Variants in DLG2 observed in about 807,000 individuals in gnomAD.
DLG2 encodes disks large homolog 2.
DLG2 carries 45 observed loss-of-function variants against 132.5 expected under a neutral mutation model. The observed-to-expected ratio is 0.34, with a 90% CI of 0.27 to 0.44. The LOEUF is 0.44. Among genes scored for constraint, DLG2 ranks in the 20% least tolerant of loss-of-function variants. The pLI, the probability that DLG2 is intolerant of heterozygous loss-of-function variation, is 1.00. For synonymous variants in DLG2, 424 were observed against 419.6 expected (o/e 1.01, Z -0.13); for missense variants, 1,045 against 1,196.9 (o/e 0.87, Z 1.87).
intron 6 of DLG2, among the ~76,000 whole-genome samples, chr11:84,938,851 A>T (rs2049052137): frequency 6.6e-6 from 1 of 152,204 alleles, no homozygotes; most frequent in Admixed American, 6.5e-5. Flanking sequence ...TGGGAAATTT[A>T]TCTAAAATAT....
At chr11:85,360,454 T>C (rs1241323545) in intron 3 of DLG2, among the ~76,000 whole-genome samples, 1 of 152,162 alleles carries the variant, frequency 6.6e-6, no homozygotes, top group East Asian at 1.9e-4. Flanking sequence ...CATGGTAAGT[T>C]TTGTTATTAG....
intron 5 of DLG2, among the ~76,000 whole-genome samples, chr11:85,122,972 T>TATA (rs58442462): frequency 1.5e-5 from 1 of 67,272 alleles, no homozygotes; most frequent in African/African-American, 6.5e-5. Context: ...TATATATATT[T>TATA]TTTTTTTTTT....
At position 85,154,600 on chromosome 11, in the gene DLG2, T is replaced by C. The variant is rs2077476698; in HGVS notation, c.238A>G (p.Lys80Glu). Residue 80 changes from lysine (K) to glutamate (E), a missense_variant, in exon 5 of 28, where the codon AAA becomes GAA. Physicochemically the swap from Lys to Glu is moderately conservative, Grantham distance 56. Around this residue, in one of 4 missense-constraint regions of DLG2, gnomAD observed 277 missense variants for 238.2 expected, o/e 1.16. Transcript: ENST00000376104. ...KENASCIEQN[K>E]ENQSFENETD... ...TCATTTTCAAAACTCTGATTTTCTT[T>C]ATTTTGCTCAATACATGAAGCATTT... 3.2e-6 allele frequency: 5 copies of C among 1,540,700 alleles called. No individual in the cohort carries two copies. The highest frequency in any genetic ancestry group is 4.4e-6 in the Non-Finnish European group (5 of 1,137,848).
chr11:84,609,727 T>C (rs1047428887), intron 6 of DLG2, among the ~76,000 whole-genome samples: 4 of 152,282 alleles, frequency 2.6e-5, no homozygotes, highest in South Asian at 2.1e-4. Flanking sequence ...TTTTTTATGA[T>C]TGGATATACT....
intron 26 of DLG2, among the ~76,000 whole-genome samples, chr11:83,465,537 G>A (rs554724021): frequency 6.6e-6 from 1 of 152,286 alleles, no homozygotes; most frequent in East Asian, 1.9e-4. Flanking sequence ...AGGCCCTCAT[G>A]ACAGACACAT....
At chr11:83,520,695 GTAGATAGA>G (rs72459775) in intron 21 of DLG2, among the ~76,000 whole-genome samples, 5,646 of 149,064 alleles carry the variant, frequency 0.038, 180 homozygotes, top group South Asian at 0.11. Flanking sequence ...AAGTAGGTAG[GTAGATAGA>G]TAGATAGATA....
At chr11:84,986,415 G>A (rs1004441399) in intron 6 of DLG2, among the ~76,000 whole-genome samples, 8 of 152,008 alleles carry the variant, frequency 5.3e-5, no homozygotes, top group African/African-American at 1.9e-4. Context: ...AGAAAGAGGG[G>A]ATCCTCTATG....
chr11:83,739,979 T>C (rs2092371219), intron 18 of DLG2, among the ~76,000 whole-genome samples: 1 of 152,122 alleles, frequency 6.6e-6, no homozygotes, highest in Non-Finnish European at 1.5e-5. Flanking sequence ...ATGAGGAAGG[T>C]GATGACAAGT....
intron 3 of DLG2, among the ~76,000 whole-genome samples, chr11:85,484,018 T>A (rs2093362886): frequency 6.6e-6 from 1 of 151,432 alleles, no homozygotes; most frequent in Non-Finnish European, 1.5e-5. Context: ...CCAAAGCGGG[T>A]GGTAAACTCC....
At chr11:85,021,467 C>A (rs765302616) in intron 6 of DLG2, 17 of 1,422,660 alleles carry the variant, frequency 1.2e-5, no homozygotes, top group Admixed American at 3.4e-5. Context: ...GCAGCCCGGG[C>A]ATTTCTCTCA....
intron 6 of DLG2, among the ~76,000 whole-genome samples, chr11:85,088,906 A>G (rs560231316): frequency 6.6e-6 from 1 of 152,342 alleles, no homozygotes; most frequent in South Asian, 2.1e-4. Flanking sequence ...GTTCAGTAAC[A>G]TTAAACCAAT....
intron 7 of DLG2, among the ~76,000 whole-genome samples, chr11:84,446,563 AT>A (rs61311812): frequency 0.14 from 20,773 of 144,850 alleles, 1,547 homozygotes; most frequent in South Asian, 0.24. Flanking sequence ...TTTCATATCA[AT>A]TTTTTTTTTT....
chr11:83,954,090 G>T (rs1017657513), intron 14 of DLG2, among the ~76,000 whole-genome samples: 1 of 152,112 alleles, frequency 6.6e-6, no homozygotes, highest in African/African-American at 2.4e-5. Context: ...TTTATGTCTG[G>T]CTAACTCATG....
chr11:85,480,753 T>C (rs538352080), intron 3 of DLG2, among the ~76,000 whole-genome samples: 4 of 152,268 alleles, frequency 2.6e-5, no homozygotes, highest in Non-Finnish European at 5.9e-5. Context: ...GTAAATTCAG[T>C]GACAATTAAA....
At chr11:84,331,749 T>TAA (rs2098460526) in intron 7 of DLG2, among the ~76,000 whole-genome samples, 1 of 152,162 alleles carries the variant, frequency 6.6e-6, no homozygotes, top group African/African-American at 2.4e-5. Context: ...CCTGCTGGGC[T>TAA]AAATGAAATG....
At chr11:85,462,661 G>A (rs959745331) in intron 3 of DLG2, among the ~76,000 whole-genome samples, 1 of 152,034 alleles carries the variant, frequency 6.6e-6, no homozygotes, top group African/African-American at 2.4e-5. Flanking sequence ...TGGGGTGGGG[G>A]GAGCGGGGAG....
At chr11:83,884,077 G>A (rs895767703) in intron 15 of DLG2, among the ~76,000 whole-genome samples, 1 of 152,198 alleles carries the variant, frequency 6.6e-6, no homozygotes, top group Non-Finnish European at 1.5e-5. Flanking sequence ...ACTAGGGAGT[G>A]CCAGACAGTG....
chr11:84,157,586 A>T (rs1364238383), intron 9 of DLG2, among the ~76,000 whole-genome samples: 1 of 152,148 alleles, frequency 6.6e-6, no homozygotes, highest in East Asian at 1.9e-4. Context: ...ATGAGCTGCT[A>T]TGTCTGGCTT....
chr11:84,484,999 A>G (rs1030487034), intron 7 of DLG2, among the ~76,000 whole-genome samples: 11 of 152,200 alleles, frequency 7.2e-5, no homozygotes, highest in African/African-American at 2.4e-4. Context: ...TAATTTTCAT[A>G]AAAGCCATGT....
Sources: allele counts gnomAD v4.1 joint callset (sites outside exome capture counted in the v4.1 genomes callset), GRCh38; gene constraint gnomAD v4.1.1; regional missense constraint gnomAD v4.1.1; transcripts MANE v1.5; gene names NCBI Gene and HGNC (gene_info 2026-07-23, HGNC 2026-07-21).